Variants in LPA observed in about 807,000 individuals in gnomAD.
The protein encoded by LPA is lipoprotein(a).
LPA carries 199 observed loss-of-function variants against 197.9 expected under a neutral mutation model. That is an observed-to-expected ratio of 1.01 (90% CI 0.90 to 1.13). The LOEUF (loss-of-function observed/expected upper bound fraction) is 1.13. Ranked by LOEUF, LPA falls within the 50% of genes most tolerant of loss-of-function variation. LPA has a pLI of 0.00. For missense variants in LPA, 1,853 were observed against 1,785.8 expected, an observed-to-expected ratio of 1.04 and a Z score of -0.68; for synonymous variants, 715 against 639.5, an observed-to-expected ratio of 1.12 and a Z score of -1.78.
chr6:160,553,937 CTGTG>C (rs59853609), intron 30 of LPA, among the ~76,000 whole-genome samples: 8 of 139,064 alleles, frequency 5.8e-5, no homozygotes, highest in Admixed American at 3.5e-4. Flanking sequence ...CTCTCTCTCT[CTGTG>C]TGTGTGTGTG....
intron 30 of LPA, among the ~76,000 whole-genome samples, chr6:160,555,674 AG>A (rs1778250988): frequency 6.6e-6 from 1 of 151,884 alleles, no homozygotes; most frequent in African/African-American, 2.4e-5. Flanking sequence ...ATTTCAGAGA[AG>A]GGAGGTTAGA....
chr6:160,551,988 A>T (rs1439951730), intron 30 of LPA, among the ~76,000 whole-genome samples: 2 of 148,330 alleles, frequency 1.3e-5, no homozygotes, highest in East Asian at 4.0e-4. Context: ...ATCAATGCTC[A>T]CTCATGGCTA....
At chr6:160,662,956 C>T (rs1780250433) in intron 1 of LPA, among the ~76,000 whole-genome samples, 1 of 152,186 alleles carries the variant, frequency 6.6e-6, no homozygotes, top group African/African-American at 2.4e-5. Flanking sequence ...AAACTCTCAC[C>T]CTCCAGAGAT....
intron 1 of LPA, among the ~76,000 whole-genome samples, chr6:160,662,820 T>C (rs1780248564): frequency 6.6e-6 from 1 of 152,232 alleles, no homozygotes; most frequent in Non-Finnish European, 1.5e-5. Context: ...ATAGATTAAA[T>C]TGCAAGCATC....
intron 16 of LPA, among the ~76,000 whole-genome samples, chr6:160,610,804 A>C (rs190800884): frequency 6.6e-6 from 1 of 152,124 alleles, no homozygotes; most frequent in African/African-American, 2.4e-5. Context: ...AAGAAAGCCA[A>C]GGCATCTATG....
At chr6:160,599,801 G>GAA (rs1468052708) in intron 19 of LPA, 142 bp from the exon 20 acceptor site, 1 of 855,032 alleles carries the variant, frequency 1.2e-6, no homozygotes, top group East Asian at 2.6e-5. Context: ...ATGGACATGA[G>GAA]AAAACACACA....
chr6:160,586,717 T>A, intron 24 of LPA, 87 bp from the exon 25 acceptor site: 4 of 1,580,694 alleles, frequency 2.5e-6, no homozygotes, highest in Non-Finnish European at 3.5e-6. Context: ...TGTAACAAAG[T>A]GTAAACAAGC....
At chr6:160,652,935 A>T (rs1004621420) in intron 1 of LPA, among the ~76,000 whole-genome samples, 7 of 152,308 alleles carry the variant, frequency 4.6e-5, no homozygotes, top group Admixed American at 3.3e-4. Context: ...TCGTGGAGAT[A>T]AACTCAATAT....
intron 28 of LPA, among the ~76,000 whole-genome samples, chr6:160,566,316 A>C (rs1235169486): frequency 6.6e-6 from 1 of 152,142 alleles, no homozygotes; most frequent in Non-Finnish European, 1.5e-5. Flanking sequence ...TACAAGCCAG[A>C]AGAGAGTGGC....
intron 2 of LPA, among the ~76,000 whole-genome samples, chr6:160,649,738 C>A (rs1417304731): frequency 6.6e-6 from 1 of 152,128 alleles, no homozygotes; most frequent in Non-Finnish European, 1.5e-5. Context: ...TGGTCAGACC[C>A]CAGCTTCTGT....
At chr6:160,659,345 G>T (rs1780184022) in intron 1 of LPA, among the ~76,000 whole-genome samples, 1 of 152,130 alleles carries the variant, frequency 6.6e-6, no homozygotes, top group Admixed American at 6.5e-5. Flanking sequence ...TCCAAGTACA[G>T]CAAGGGCAGT....
In LPA at chr6:160,545,504, A is replaced by C; in HGVS notation, c.5334T>G (p.Asn1778Lys). ...GATTCATTGTGTAGCACCAGGGACC[A>C]TTGATGTCACCATCAGGGTTACGGC... Reference protein sequence around the residue: ...NYCRNPDGDINGPWCYTMNPR... With the variant: ...NYCRNPDGDIKGPWCYTMNPR... The change falls in exon 33 of 39, where the codon AAT becomes AAG. Residue 1778 changes from asparagine (N) to lysine (K), a missense_variant. Asn to Lys is a moderately conservative substitution (Grantham distance 94). Around this residue, in one of 3 missense-constraint regions of LPA, gnomAD observed 1,737 missense variants for 1,504.4 expected, o/e 1.15. Coordinates refer to ENST00000316300, the MANE Select transcript of LPA (RefSeq NM_005577.4). 1 of 1,613,490 alleles carries C rather than the reference A, an allele frequency of 6.2e-7. No individual in the cohort carries two copies. Among genetic ancestry groups the C allele is most frequent in the Non-Finnish European group, 8.5e-7 (1 of 1,179,512 alleles).
intron 30 of LPA, among the ~76,000 whole-genome samples, chr6:160,551,450 T>C (rs1193420654): frequency 1.3e-5 from 2 of 152,220 alleles, no homozygotes; most frequent in Non-Finnish European, 2.9e-5. Context: ...TTGTCAGATA[T>C]ATGGACAGAG....
intron 30 of LPA, among the ~76,000 whole-genome samples, chr6:160,555,102 A>G (rs909253317): frequency 6.6e-6 from 1 of 151,832 alleles, no homozygotes; most frequent in African/African-American, 2.4e-5. Flanking sequence ...GTACCTGCCC[A>G]TTTTAATCTC....
intron 28 of LPA, among the ~76,000 whole-genome samples, chr6:160,576,780 G>A (rs1778692502): frequency 6.8e-6 from 1 of 146,872 alleles, no homozygotes; most frequent in Admixed American, 6.9e-5. Flanking sequence ...CAAACCTTCG[G>A]GAATTGAAAT....
At chr6:160,588,731 T>C (rs927179028) in intron 24 of LPA, among the ~76,000 whole-genome samples, 1 of 152,086 alleles carries the variant, frequency 6.6e-6, no homozygotes, top group African/African-American at 2.4e-5. Flanking sequence ...GTCTCTCTCC[T>C]CAGTTAAGCA....
rs1779521739 is a variant in LPA at position 160,611,581 on chromosome 6, G to T, written c.2584C>A (p.Pro862Thr). ...SMTPHSHSRT[P>T]EYYPNAGLIM... The stretch of plus-strand genomic sequence containing the variant: ...ACATACGCATTTGGGTAGTATTCTG[G>T]GGTCCGACTATGCGAGTGTGGTGTC... Residue 862 changes from proline to threonine, a missense_variant, in exon 16 of 39, where the codon CCA becomes ACA. Physicochemically the swap from Pro to Thr is conservative, Grantham distance 38. Coordinates refer to ENST00000316300, the MANE Select transcript of LPA (RefSeq NM_005577.4). 1.2e-6 allele frequency: 2 copies of T among 1,605,354 alleles called. No homozygotes were observed. The highest frequency in any genetic ancestry group is 1.1e-5 in the South Asian group (1 of 90,926).
chr6:160,584,653 G>A (rs112334930), intron 26 of LPA, among the ~76,000 whole-genome samples: 158 of 152,098 alleles, frequency 1.0e-3, no homozygotes, highest in African/African-American at 3.2e-3. Flanking sequence ...CTTCTGATTC[G>A]TGTCAAAAAT....
At chr6:160,557,740 A>G (rs1778289807) in intron 28 of LPA, among the ~76,000 whole-genome samples, 169 bp from the exon 29 acceptor site, 1 of 152,106 alleles carries the variant, frequency 6.6e-6, no homozygotes. Context: ...GTTCTAAAGA[A>G]CCATGTAAAT....
Sources: gnomAD v4.1 joint callset for allele counts (sites outside exome capture counted in the v4.1 genomes callset) on GRCh38, gnomAD v4.1.1 for gene constraint, gnomAD v4.1.1 regional missense constraint, MANE v1.5 for transcripts, NCBI Gene and HGNC (gene_info 2026-07-23, HGNC 2026-07-21) for gene names.